BRAT1: variants seen among roughly 807,000 people sequenced by gnomAD.
BRAT1 encodes the protein BRCA1 associated ATM activator 1.
Under a neutral mutation model 70.6 loss-of-function variants are expected in BRAT1, and 74 were observed. That is an observed-to-expected ratio of 1.05 (90% confidence interval 0.87 to 1.27). The LOEUF (loss-of-function observed/expected upper bound fraction) is 1.27, where lower values mean the gene tolerates loss of function less well. BRAT1 is among the 50% of genes most tolerant of loss of function. The pLI is 0.00. For synonymous variants in BRAT1, 615 were observed against 517.1 expected (o/e 1.19, Z -2.57); for missense variants, 1,203 against 1,098.2 (o/e 1.10, Z -1.35).
At position 2,542,164 on chromosome 7, in the gene BRAT1, AG is replaced by A; in HGVS notation, c.970del (p.Leu324TrpfsTer5). 2 of 1,572,990 alleles carry A rather than the reference AG, an allele frequency of 1.3e-6. No individual in the cohort carries two copies. Among genetic ancestry groups the A allele is most frequent in the Non-Finnish European group, 1.7e-6 (2 of 1,159,126 alleles). On this transcript the variant is annotated frameshift_variant, in exon 7 of 14. Transcript: ENST00000340611. LOFTEE classifies it high-confidence loss of function. ...TQAFQVLLQP[L>X]ACVLKATVQA... Reference sequence around the variant, plus strand: ...AACCGTGGCCTTCAGGACACAGGCCAGGGGCTGGAGAAGGACCTGGAAGGCC... The same window carrying A: ...AACCGTGGCCTTCAGGACACAGGCCAGGGCTGGAGAAGGACCTGGAAGGCC...
intron 13 of BRAT1, 77 bp from the exon 14 acceptor site, chr7:2,538,841 G>T: frequency 6.4e-7 from 1 of 1,563,598 alleles, no homozygotes; most frequent in Non-Finnish European, 8.6e-7. Flanking sequence ...TCCGGTACAT[G>T]ATGGGGGCTG....
intron 9 of BRAT1, 85 bp downstream of exon 9, chr7:2,541,213 C>G (rs1779129246): frequency 2.7e-6 from 4 of 1,463,762 alleles, no homozygotes; most frequent in South Asian, 1.4e-5. Flanking sequence ...CAGAGAGGGA[C>G]AGCAGTTCCC....
rs991642409 is a variant in BRAT1, at chr7:2,554,336, G to T, written c.96C>A (p.Leu32=). The T allele has an allele frequency of 3.1e-6, 5 of 1,614,018 alleles. No homozygotes were observed. The highest frequency in any genetic ancestry group is 4.2e-6 in the Non-Finnish European group (5 of 1,179,920). The part of the protein sequence containing the change: ...PVADDTCLEK[L]LDWFKTVTEG... The stretch of plus-strand genomic sequence containing the variant: ...CAGTGACCGTTTTAAACCAGTCCAG[G>T]AGCTTCTCCAAACAGGTGTCATCTG... The change falls in exon 2 of 14, where the codon CTC becomes CTA. Residue 32 remains leucine (L), a synonymous_variant. Coordinates refer to ENST00000340611, the MANE Select transcript of BRAT1 (RefSeq NM_152743.4).
chr7:2,538,653 C>G lies in BRAT1; in HGVS notation c.1882G>C (p.Ala628Pro). ...EWLRDGHADA[A>P]QDTEQFVATV... The stretch of plus-strand genomic sequence containing the variant: ...GCCACGAACTGCTCCGTGTCCTGGG[C>G]CGCGTCGGCGTGGCCGTCCCGCAGC... Residue 628 changes from alanine to proline, a missense_variant, in exon 14 of 14, where the codon GCC (alanine) becomes CCC (proline). Transcript: ENST00000340611. 6.3e-7 allele frequency: 1 copy of G among 1,598,322 alleles called. No individual in the cohort carries two copies.
intron 2 of BRAT1, among the ~76,000 whole-genome samples, chr7:2,551,225 A>G (rs6945417): frequency 0.077 from 11,600 of 150,276 alleles, 979 homozygotes; most frequent in East Asian, 0.28. Flanking sequence ...TGGGCAACAG[A>G]GCAAGACTTG....
chr7:2,538,186 G>A lies in BRAT1; in HGVS notation c.2349C>T (p.Gly783=). ...LAMLRSLDLE[G]LRSTLAESSD... ...TGCTCTCGGCCAGCGTGCTCCGCAG[G>A]CCCTCCAGGTCTAGGGACCTGAGCA... The change falls in exon 14 of 14, where the codon GGC becomes GGT. Residue 783 remains glycine (G), a synonymous_variant. Coordinates refer to ENST00000340611, the MANE Select transcript of BRAT1 (RefSeq NM_152743.4). 1.2e-6 allele frequency: 2 copies of A among 1,609,350 alleles called. No individual in the cohort carries two copies. Among genetic ancestry groups the A allele is most frequent in the Non-Finnish European group, 1.7e-6 (2 of 1,177,684 alleles).
In BRAT1 at chr7:2,538,570, C is replaced by T. The variant is rs2128384276; in HGVS notation, c.1965G>A (p.Leu655=). Residue 655 remains leucine (L), a synonymous_variant, in exon 14 of 14, where the codon CTG becomes CTA. Coordinates refer to ENST00000340611, the MANE Select transcript of BRAT1 (RefSeq NM_152743.4). ...GGCCCAGGAACACGAGGGCCAGCTC[C>T]AGGCCCTGGGCGCGGACCTCCCAGT... ...DLDWEVRAQG[L]ELALVFLGQT... The T allele has an allele frequency of 6.3e-7, 1 of 1,599,964 alleles. No individual in the cohort carries two copies. The highest frequency in any genetic ancestry group is 8.5e-7 in the Non-Finnish European group (1 of 1,178,140).
rs201500695 is a variant in BRAT1 at position 2,544,197 on chromosome 7, G to GTT, written c.431-237_431-236dup. On this transcript the variant is annotated intron_variant, in intron 4 of 13. Coordinates refer to ENST00000340611, the MANE Select transcript of BRAT1 (RefSeq NM_152743.4). ...GATGCTTCCCAATTCGTTCCTTCTT[G>GTT]TTGTTTTTTTTTTTTTTTTTTTTGA... 2.3e-3 allele frequency: 282 copies of GTT among 121,248 alleles called. 2 individuals carry two copies. The highest frequency in any genetic ancestry group is 0.011 in the African/African-American group (189 of 17,300). 7.5% of individuals were successfully genotyped at this position (121,248 alleles called of 1,614,324 possible). A position where few individuals can be genotyped will look rare whatever the true frequency, so the allele number is the denominator to read the frequency against.
Position 2,543,800 on chromosome 7 carries a change from ATCT to A in BRAT1, c.590_592del (p.Lys197del), listed in dbSNP as rs747567777. 1.4e-5 allele frequency: 22 copies of A among 1,612,528 alleles called. No homozygotes were observed. The highest frequency in any genetic ancestry group is 1.8e-5 in the Non-Finnish European group (21 of 1,179,728). ...CAAGGACTCTTCAACGTGATCCATG[ATCT>A]TCTGGGCACACGCGGGCCAGTCACC... On this transcript the variant is annotated inframe_deletion, in exon 5 of 14. Transcript: ENST00000340611. This position sits in a 1 kb window ranked among gnomAD's most constrained non-coding sequence, Gnocchi z 5.5.
chr7:2,538,483 T>G lies in BRAT1; in HGVS notation c.2052A>C (p.Pro684=). ...PYAVALPEVA[P]AQPLTEALRA... ...TCAGTGCCTCGGTGAGTGGCTGGGC[T>G]GGGGCCACCTCGGGTAGGGCCACGG... The change falls in exon 14 of 14, where the codon CCA becomes CCC. Residue 684 remains proline, a synonymous_variant. Transcript: ENST00000340611. 1 of 1,612,112 alleles carries G rather than the reference T, an allele frequency of 6.2e-7. No individual in the cohort carries two copies. The highest frequency in any genetic ancestry group is 8.5e-7 in the Non-Finnish European group (1 of 1,179,860).
In BRAT1 at chr7:2,539,366, G is replaced by A. The variant is rs779081019; in HGVS notation, c.1598-15C>T. ...GTCAGCCTGTCCTGGGGGTCGAAAC[G>A]GCCACATGCAGCTGTGACTGAGGGC... On this transcript the variant is annotated splice_polypyrimidine_tract_variant and intron_variant, in intron 12 of 13. Transcript: ENST00000340611. 37 of 1,593,604 alleles carry A rather than the reference G, an allele frequency of 2.3e-5. No individual in the cohort carries two copies. The Admixed American group carries it at 3.0e-4, about 13-fold the overall frequency.
Position 2,543,664 on chromosome 7 carries a change from G to A in BRAT1, c.729C>T (p.Arg243=), listed in dbSNP as rs770100854. The part of the protein sequence containing the change: ...TEALWVRLSP[R]VACLLERDPI... ...GGTCTCTCTCCAGCAGACAGGCCAC[G>A]CGGGGACTCAGCCGCACCCACAGGG... Residue 243 remains arginine, a synonymous_variant, in exon 5 of 14, where the codon CGC becomes CGT. Transcript: ENST00000340611. This position sits in a 1 kb window ranked among gnomAD's most constrained non-coding sequence, Gnocchi z 5.5. 28 of 1,558,802 alleles carry A rather than the reference G, an allele frequency of 1.8e-5. No individual in the cohort carries two copies. The highest frequency in any genetic ancestry group is 2.2e-5 in the Non-Finnish European group (25 of 1,147,082).
At chr7:2,549,145 CTAAT>C (rs1779820477) in intron 2 of BRAT1, among the ~76,000 whole-genome samples, 1 of 152,104 alleles carries the variant, frequency 6.6e-6, no homozygotes, top group African/African-American at 2.4e-5. Flanking sequence ...AATGGAAAGT[CTAAT>C]TAACTTCAGA....
At position 2,541,386 on chromosome 7, in the gene BRAT1, C is replaced by G. The variant is rs556970046; in HGVS notation, c.1233G>C (p.Val411=). The part of the protein sequence containing the change: ...CDGSAAPASS[V]GGHLCGTLAG... ...CCAGGGTCCCACAGAGGTGGCCCCC[C>G]ACACTGGAGGCAGGGGCAGCCGAGC... The change falls in exon 9 of 14, where the codon GTG becomes GTC. Residue 411 remains valine (V), a synonymous_variant. Transcript: ENST00000340611. 3 of 1,606,936 alleles carry G rather than the reference C, an allele frequency of 1.9e-6. No individual in the cohort carries two copies. Among genetic ancestry groups the G allele is most frequent in the East Asian group, 2.2e-5 (1 of 44,748 alleles).
At chr7:2,551,257 A>G (rs1779982796) in intron 2 of BRAT1, among the ~76,000 whole-genome samples, 4 of 149,938 alleles carry the variant, frequency 2.7e-5, no homozygotes, top group South Asian at 2.1e-4. Flanking sequence ...AAAAAAATCT[A>G]TATCTATATA....
intron 10 of BRAT1, 116 bp from the exon 11 acceptor site, chr7:2,540,004 A>G: frequency 2.8e-6 from 2 of 707,712 alleles, no homozygotes; most frequent in Non-Finnish European, 4.5e-6. Flanking sequence ...TGGGGACAGG[A>G]AGTGGAGAGA....
chr7:2,542,891 G>A (rs575175627), intron 6 of BRAT1: 111 of 198,770 alleles, frequency 5.6e-4, no homozygotes, highest in African/African-American at 1.9e-3. Context: ...CCAAAGCTGC[G>A]GTGGGGGACA....
chr7:2,543,335 C>A lies in BRAT1; in HGVS notation c.804-12G>T, dbSNP rs934182833. The stretch of plus-strand genomic sequence containing the variant: ...TGAACACGGGAGAACTGCAGGGAGA[C>A]CCCAGAGAGAAAAATTACTCCCCCA... On this transcript the variant is annotated splice_polypyrimidine_tract_variant and intron_variant, in intron 5 of 13. Transcript: ENST00000340611. This position sits in a 1 kb window ranked among gnomAD's most constrained non-coding sequence, Gnocchi z 5.5. 2.5e-6 allele frequency: 4 copies of A among 1,571,656 alleles called. No homozygotes were observed. The African/African-American group carries it at 4.1e-5, about 16-fold the overall frequency.
In BRAT1 at chr7:2,542,130, G is replaced by C. The variant is rs1028978875; in HGVS notation, c.1005C>G (p.Pro335=). 4 of 1,552,186 alleles carry C rather than the reference G, an allele frequency of 2.6e-6. No homozygotes were observed. The South Asian group carries it at 3.6e-5, about 14-fold the overall frequency. The change falls in exon 7 of 14, where the codon CCC becomes CCG. Residue 335 remains proline (P), a synonymous_variant. Transcript: ENST00000340611. The stretch of plus-strand genomic sequence containing the variant: ...TTCTAAGCAGCACACCTGGGGGTCC[G>C]GGGGCCTGAACCGTGGCCTTCAGGA... ...ACVLKATVQA[P]GPPGLLDGTA...
Sources: allele counts gnomAD v4.1 joint callset (sites outside exome capture counted in the v4.1 genomes callset), GRCh38; gene constraint gnomAD v4.1.1; non-coding constraint Gnocchi (gnomAD v3.1); transcripts MANE v1.5; gene names NCBI Gene and HGNC (gene_info 2026-07-23, HGNC 2026-07-21).